The following NOTCH2NLB variants were observed in gnomAD, a reference collection of about 807,000 sequenced individuals.
NOTCH2NLB encodes notch 2 N-terminal like B.
Under a neutral mutation model 14.8 loss-of-function variants are expected in NOTCH2NLB, and 1 was observed. The observed-to-expected ratio is 0.07, with a 90% CI of 0.02 to 0.32. The LOEUF is 0.32. Ranked by LOEUF, NOTCH2NLB falls within the 10% of genes least tolerant of loss-of-function variation. The pLI, the probability that NOTCH2NLB is intolerant of heterozygous loss-of-function variation, is 1.00. For missense variants in NOTCH2NLB, 11 were observed against 155.0 expected (o/e 0.07, Z 4.93); for synonymous variants, 6 against 57.5 (o/e 0.10, Z 4.05).
chr1:148,614,855 G>T (rs2149602959), intron 3 of NOTCH2NLB, among the ~76,000 whole-genome samples: 1 of 8,932 alleles, frequency 1.1e-4, no homozygotes, highest in Admixed American at 9.7e-4. Context: ...AGTGGCAGTG[G>T]AGGCGAATAC....
chr1:148,625,531 G>T lies in NOTCH2NLB; in HGVS notation c.78-9581C>A, dbSNP rs1305361833. On this transcript the variant is annotated intron_variant, in intron 2 of 4. Transcript: ENST00000593495. ...GAAGGGGAAAAAAAAGTCTCATGTG[G>T]GTTGCGTCGGCACTGCAGCTGCTCC... Among the ~76,000 whole-genome samples the T allele has an allele frequency of 5.7e-5, 6 of 105,214 alleles. 2 individuals carry two copies. The highest frequency in any genetic ancestry group is 1.1e-4 in the Non-Finnish European group (6 of 54,534). 69.0% of individuals were successfully genotyped at this position (105,214 alleles called of 152,430 possible). A position where few individuals can be genotyped will look rare whatever the true frequency, so the allele number is the denominator to read the frequency against.
At chr1:148,670,138 TAAA>T (rs1224960330) in intron 1 of NOTCH2NLB, among the ~76,000 whole-genome samples, 1 of 91,070 alleles carries the variant, frequency 1.1e-5, no homozygotes, top group Non-Finnish European at 2.5e-5. Flanking sequence ...ACCAAAGGAT[TAAA>T]AAAAATTAAC....
At chr1:148,703,356 TAAAC>T in the NOTCH2NLB span, among the ~76,000 whole-genome samples, 1 of 112,256 alleles carries the variant, frequency 8.9e-6, no homozygotes, top group South Asian at 3.3e-4. Context: ...GCAGGACAAA[TAAAC>T]AAAGGAAGGA....
chr1:148,661,332 T>C (rs1664678086), intron 1 of NOTCH2NLB, among the ~76,000 whole-genome samples: 1 of 150,160 alleles, frequency 6.7e-6, no homozygotes, highest in Admixed American at 6.6e-5. Flanking sequence ...CCAAGGTCTA[T>C]TCCTCCTCCC....
At chr1:148,637,690 G>C (rs1173991112) in intron 2 of NOTCH2NLB, among the ~76,000 whole-genome samples, 2 of 142,344 alleles carry the variant, frequency 1.4e-5, no homozygotes, top group Non-Finnish European at 3.1e-5. Flanking sequence ...CCGTCATCCA[G>C]GTTTTAAGCC....
At position 148,654,636 on chromosome 1, in the gene NOTCH2NLB, A is replaced by G. The variant is rs1356417734; in HGVS notation, c.4-14547T>C. 4.0e-5 allele frequency among the ~76,000 whole-genome samples: 3 copies of G among 75,192 alleles called. 1 individual carries two copies. In the Middle Eastern group the frequency reaches 0.021, roughly 530 times the overall value. The allele number at this position is 75,192 out of a possible 152,430, so 49.3% of individuals were successfully genotyped here. Reference sequence around the variant, plus strand: ...CACCTTATTCCATGTCCATACCACTAAAGAACTATAGAAAATAATGACATA... The same window carrying G: ...CACCTTATTCCATGTCCATACCACTGAAGAACTATAGAAAATAATGACATA... On this transcript the variant is annotated intron_variant, in intron 1 of 4. Transcript: ENST00000593495.
chr1:148,608,900 AG>A (rs1462880073), intron 3 of NOTCH2NLB, among the ~76,000 whole-genome samples: 1 of 140,218 alleles, frequency 7.1e-6, no homozygotes, highest in Non-Finnish European at 1.5e-5. Context: ...CAGCACTAGC[AG>A]GAAGACTCTG....
intron 2 of NOTCH2NLB, among the ~76,000 whole-genome samples, chr1:148,622,653 C>T (rs1274973249): frequency 3.3e-5 from 2 of 60,120 alleles, no homozygotes; most frequent in African/African-American, 1.5e-4. Context: ...ATCGTGAGAG[C>T]GCAGTTCAAG....
At chr1:148,660,571 C>T (rs1404806005) in intron 1 of NOTCH2NLB, among the ~76,000 whole-genome samples, 3 of 143,294 alleles carry the variant, frequency 2.1e-5, no homozygotes, top group Non-Finnish European at 4.7e-5. Flanking sequence ...AAAAACATGG[C>T]CTTGTCTCTA....
chr1:148,621,453 G>A (rs1278520584), intron 2 of NOTCH2NLB, among the ~76,000 whole-genome samples: 1 of 86,020 alleles, frequency 1.2e-5, no homozygotes, highest in Non-Finnish European at 1.9e-5. Flanking sequence ...GATTAGTGTT[G>A]CCAGGAGCTG....
At chr1:148,610,895 A>G (rs1167839076) in intron 3 of NOTCH2NLB, among the ~76,000 whole-genome samples, 3 of 70,954 alleles carry the variant, frequency 4.2e-5, no homozygotes, top group African/African-American at 2.3e-4. Context: ...TCCATCTCAA[A>G]AAAAAAAAAA....
chr1:148,625,679 C>T lies in NOTCH2NLB; in HGVS notation c.78-9729G>A, dbSNP rs1159446144. 6.8e-5 allele frequency among the ~76,000 whole-genome samples: 8 copies of T among 118,232 alleles called. 1 individual carries two copies. The highest frequency in any genetic ancestry group is 1.1e-4 in the African/African-American group (3 of 26,164). 77.6% of individuals were successfully genotyped at this position (118,232 alleles called of 152,430 possible). A position where few individuals can be genotyped will look rare whatever the true frequency, so the allele number is the denominator to read the frequency against. On this transcript the variant is annotated intron_variant, in intron 2 of 4. Transcript: ENST00000593495. ...CTCTTGGCCCCCCAATCCGCAGTGGCAGCCTGCCCTAGCTGAGCTCTAGAG... is the reference window on the plus strand; with the variant it reads ...CTCTTGGCCCCCCAATCCGCAGTGGTAGCCTGCCCTAGCTGAGCTCTAGAG...
chr1:148,674,912 A>C (rs1664826315), intron 1 of NOTCH2NLB, among the ~76,000 whole-genome samples: 2 of 132,810 alleles, frequency 1.5e-5, no homozygotes, highest in South Asian at 5.5e-4. Flanking sequence ...CTCTCAATCC[A>C]GTACAAGTTT....
intron 3 of NOTCH2NLB, among the ~76,000 whole-genome samples, chr1:148,610,315 GAAAGAGAGAGAAAGAA>G (rs1357465845): frequency 1.3e-5 from 1 of 76,952 alleles, no homozygotes; most frequent in Non-Finnish European, 2.5e-5. Context: ...GAGAAAGAGA[GAAAGAGAGAGAAAGAA>G]AGAAAGAAAG....
chr1:148,645,835 C>G (rs1356252379), intron 1 of NOTCH2NLB, among the ~76,000 whole-genome samples: 2 of 150,742 alleles, frequency 1.3e-5, no homozygotes, highest in Admixed American at 1.3e-4. Context: ...TCTGCTTTTT[C>G]ACTTTTAAGT....
At chr1:148,604,982 CACACACACAT>C, downstream of NOTCH2NLB, among the ~76,000 whole-genome samples, 1 of 145,160 alleles carries the variant, frequency 6.9e-6, no homozygotes, top group Non-Finnish European at 1.5e-5. Flanking sequence ...CACACACACA[CACACACACAT>C]TGATATGTAA....
At position 148,628,281 on chromosome 1, in the gene NOTCH2NLB, A is replaced by G. The variant is rs1354897439; in HGVS notation, c.77+11735T>C. ...CTAAAAAAAAAAAAAAAATCCTACA[A>G]AGTGGCCTCAATAGCATGAACTGCT... is the stretch of plus-strand genomic sequence containing the variant. On this transcript the variant is annotated intron_variant, in intron 2 of 4. Coordinates refer to ENST00000593495, the Ensembl canonical transcript of NOTCH2NLB. Among the ~76,000 whole-genome samples, 30 of 131,184 alleles carry G rather than the reference A, an allele frequency of 2.3e-4. 1 individual carries two copies. The highest frequency in any genetic ancestry group is 4.3e-4 in the Non-Finnish European group (28 of 64,696). 86.1% of individuals were successfully genotyped at this position (131,184 alleles called of 152,430 possible).
chr1:148,651,152 AAAAAAAAAAAATAT>A (rs1664495067), intron 1 of NOTCH2NLB, among the ~76,000 whole-genome samples: 2 of 78,232 alleles, frequency 2.6e-5, no homozygotes, highest in Non-Finnish European at 2.6e-5. Context: ...GAGAAAAAAA[AAAAAAAAAAAATAT>A]ATATATATAT....
the NOTCH2NLB span, among the ~76,000 whole-genome samples, chr1:148,693,099 C>CA: frequency 8.6e-6 from 1 of 116,454 alleles, no homozygotes; most frequent in East Asian, 2.5e-4. Context: ...CCCCCCCCCC[C>CA]CCACCATCCA....
Sources: gnomAD v4.1 joint callset for allele counts (sites outside exome capture counted in the v4.1 genomes callset) on GRCh38, gnomAD v4.1.1 for gene constraint, MANE v1.5 for transcripts, NCBI Gene and HGNC (gene_info 2026-07-23, HGNC 2026-07-21) for gene names.